Variants in FYB1 observed in about 807,000 individuals in gnomAD.
FYB1 encodes FYN-binding protein 1.
In FYB1, 41 loss-of-function variants were observed where a neutral mutation model predicts 94.1. The observed-to-expected ratio is 0.44, with a 90% confidence interval of 0.34 to 0.57. The LOEUF is 0.57. Ranked by LOEUF, FYB1 falls within the 20% of genes least tolerant of loss-of-function variation. The probability of loss-of-function intolerance (pLI) is 0.02; values close to 1 mark genes in which losing one functional copy is unlikely to be tolerated. For synonymous variants in FYB1, 367 were observed against 353.2 expected (o/e 1.04, Z -0.44); for missense variants, 1,050 against 976.8 (o/e 1.07, Z -1.00).
intron 1 of FYB1, among the ~76,000 whole-genome samples, chr5:39,246,182 G>A (rs1461924018): frequency 6.6e-6 from 1 of 152,120 alleles, no homozygotes; most frequent in Non-Finnish European, 1.5e-5. Context: ...CCCTAAGGAA[G>A]TAGGGGAAGC....
chr5:39,175,744 G>T (rs1247819437), intron 2 of FYB1, among the ~76,000 whole-genome samples: 1 of 152,234 alleles, frequency 6.6e-6, no homozygotes, highest in East Asian at 1.9e-4. Flanking sequence ...TCCAAATGGG[G>T]GTAGGCAGTA....
chr5:39,149,410 T>C (rs1175258236), intron 3 of FYB1, among the ~76,000 whole-genome samples: 1 of 152,196 alleles, frequency 6.6e-6, no homozygotes. Context: ...CTCTAATGCT[T>C]GGCTCCTGCA....
intron 1 of FYB1, among the ~76,000 whole-genome samples, chr5:39,238,503 C>A (rs1277482245): frequency 1.3e-5 from 2 of 151,916 alleles, no homozygotes; most frequent in Non-Finnish European, 2.9e-5. Flanking sequence ...TGTGGGCCAA[C>A]CCACCTGCCT....
At chr5:39,247,889 T>TTTTTGTTTTGTTTTA (rs141380784) in intron 1 of FYB1, among the ~76,000 whole-genome samples, 4 of 149,248 alleles carry the variant, frequency 2.7e-5, no homozygotes, top group Non-Finnish European at 5.9e-5. Context: ...TACTTTCTTG[T>TTTTTGTTTTGTTTTA]TTTTGTTTTG....
chr5:39,174,864 A>G (rs1182121600), intron 2 of FYB1, among the ~76,000 whole-genome samples: 1 of 152,270 alleles, frequency 6.6e-6, no homozygotes, highest in Non-Finnish European at 1.5e-5. Flanking sequence ...GAAGCTAAGA[A>G]GAGACTAGGC....
chr5:39,252,334 A>G (rs112301429), intron 1 of FYB1, among the ~76,000 whole-genome samples: 1 of 152,310 alleles, frequency 6.6e-6, no homozygotes, highest in African/African-American at 2.4e-5. Flanking sequence ...AACTTAAGTG[A>G]AAAAATAATA....
rs952628437 is a variant in FYB1, at chr5:39,105,609, T to A, written c.*1834A>T. 6.6e-6 allele frequency: 1 copy of A among 152,184 alleles called. No individual in the cohort carries two copies. Among genetic ancestry groups the A allele is most frequent in the Non-Finnish European group, 1.5e-5 (1 of 68,032 alleles). 9.4% of individuals were successfully genotyped at this position (152,184 alleles called of 1,614,324 possible). A position where few individuals can be genotyped will look rare whatever the true frequency, so the allele number is the denominator to read the frequency against. ...AGTGTCTCAGGGCACTCTGAAAGTT[T>A]AGCAAGCTTATCAAGGAGTCCTCAA... On this transcript the variant is annotated 3_prime_UTR_variant, in exon 19 of 19. Coordinates refer to ENST00000512982, the MANE Select transcript of FYB1 (RefSeq NM_001465.6).
chr5:39,160,051 G>A (rs1372565497), intron 2 of FYB1, among the ~76,000 whole-genome samples: 1 of 152,156 alleles, frequency 6.6e-6, no homozygotes, highest in East Asian at 1.9e-4. Context: ...TATCTTAAAT[G>A]TGTTTGGATG....
intron 3 of FYB1, among the ~76,000 whole-genome samples, chr5:39,151,527 C>T (rs994749219): frequency 6.6e-6 from 1 of 152,154 alleles, no homozygotes; most frequent in African/African-American, 2.4e-5. Context: ...TGAGCTCAAG[C>T]GATCCTCCCA....
intron 2 of FYB1, among the ~76,000 whole-genome samples, chr5:39,185,362 AT>A (rs1013102065): frequency 6.6e-6 from 1 of 151,760 alleles, no homozygotes. Flanking sequence ...TATTTTTCTG[AT>A]ATTGATGCTT....
chr5:39,172,251 G>A (rs11956926), intron 2 of FYB1, among the ~76,000 whole-genome samples: 23,334 of 152,048 alleles, frequency 0.15, 2,215 homozygotes, highest in Non-Finnish European at 0.21. Flanking sequence ...TTTGAGACCA[G>A]CATGGCCAAC....
intron 2 of FYB1, among the ~76,000 whole-genome samples, chr5:39,198,279 A>G (rs190254322): frequency 1.6e-4 from 25 of 152,192 alleles, no homozygotes; most frequent in Non-Finnish European, 2.5e-4. Context: ...CCCCAGGTCC[A>G]CTGACTTTGA....
chr5:39,150,150 G>A (rs1227188763), intron 3 of FYB1, among the ~76,000 whole-genome samples: 1 of 151,954 alleles, frequency 6.6e-6, no homozygotes, highest in Non-Finnish European at 1.5e-5. Context: ...AAATCAAAAT[G>A]GAGTCACCCA....
chr5:39,207,164 T>G (rs1748935049), intron 1 of FYB1, among the ~76,000 whole-genome samples: 1 of 152,216 alleles, frequency 6.6e-6, no homozygotes, highest in African/African-American at 2.4e-5. Flanking sequence ...AATTTGCAAT[T>G]TGAATTTGCA....
At position 39,107,493 on chromosome 5, in the gene FYB1, A is replaced by G. The variant is rs1283774975; in HGVS notation, c.2468-28T>C. ...GAAAGGAAAAAATACAAATTTAAAT[A>G]TAGTTATTAAAAACATATTCTCTAA... On this transcript the variant is annotated intron_variant, in intron 18 of 18. Coordinates refer to ENST00000512982, the MANE Select transcript of FYB1 (RefSeq NM_001465.6). The G allele has an allele frequency of 1.7e-5, 25 of 1,459,450 alleles. No individual in the cohort carries two copies. The South Asian group carries it at 2.2e-4, about 13-fold the overall frequency. 90.4% of individuals were successfully genotyped at this position (1,459,450 alleles called of 1,614,324 possible).
At chr5:39,253,168 C>A (rs1751797649) in intron 1 of FYB1, among the ~76,000 whole-genome samples, 2 of 152,086 alleles carry the variant, frequency 1.3e-5, no homozygotes, top group African/African-American at 4.8e-5. Flanking sequence ...GATGACATTG[C>A]AGTGGTAATA....
upstream of FYB1, among the ~76,000 whole-genome samples, chr5:39,219,910 A>T (rs73072533): frequency 0.013 from 1,977 of 152,218 alleles, 36 homozygotes; most frequent in African/African-American, 0.043. Flanking sequence ...GATGCTTACA[A>T]TTAGAAAGGT....
chr5:39,238,530 T>C (rs1751067602), intron 1 of FYB1, among the ~76,000 whole-genome samples: 1 of 151,896 alleles, frequency 6.6e-6, no homozygotes, highest in Non-Finnish European at 1.5e-5. Context: ...GAAGGGACAA[T>C]AAAGAGCAGC....
intron 2 of FYB1, among the ~76,000 whole-genome samples, chr5:39,184,046 C>A (rs879810357): frequency 6.6e-6 from 1 of 151,744 alleles, no homozygotes; most frequent in Admixed American, 6.6e-5. Flanking sequence ...ACTGGCAAAC[C>A]CAGTATTATA....
Sources: allele counts gnomAD v4.1 joint callset (sites outside exome capture counted in the v4.1 genomes callset), GRCh38; gene constraint gnomAD v4.1.1; transcripts MANE v1.5; gene names NCBI Gene and HGNC (gene_info 2026-07-23, HGNC 2026-07-21).